Variants in CELSR2 observed in about 807,000 individuals in gnomAD.
The protein encoded by CELSR2 is EGF-like protein 2.
In CELSR2, 81 loss-of-function variants were observed where a neutral mutation model predicts 251.6. That is an observed-to-expected ratio of 0.32 (90% CI 0.27 to 0.39). CELSR2 has a LOEUF of 0.39. Ranked by LOEUF, CELSR2 falls within the 10% of genes least tolerant of loss-of-function variation. The pLI, the probability that CELSR2 is intolerant of heterozygous loss-of-function variation, is 1.00. For missense variants in CELSR2, 3,365 were observed against 3,947.7 expected, an observed-to-expected ratio of 0.85 and a Z score of 3.96; for synonymous variants, 1,721 against 1,670.5, an observed-to-expected ratio of 1.03 and a Z score of -0.74.
rs1655656400 is a variant in CELSR2, at chr1:109,250,561, G to T, written c.482G>T (p.Arg161Met). 6.2e-7 allele frequency: 1 copy of T among 1,613,930 alleles called. No individual in the cohort carries two copies. The highest frequency in any genetic ancestry group is 8.5e-7 in the Non-Finnish European group (1 of 1,180,026). Residue 161 changes from arginine (R) to methionine (M), a missense_variant, in exon 1 of 34, where the codon AGG becomes ATG. Coordinates refer to ENST00000271332, the MANE Select transcript of CELSR2 (RefSeq NM_001408.3). The surrounding 1 kb of genome is among the most constrained non-coding windows in gnomAD (Gnocchi z 4.4). ...AQAPGLRAGERSPEESLGGRR... is the reference protein window; with the variant it reads ...AQAPGLRAGEMSPEESLGGRR... Reference sequence around the variant, plus strand: ...GCCCCCGGGCTCAGGGCAGGGGAAAGGTCACCAGAAGAGTCCCTGGGTGGG... The same window carrying T: ...GCCCCCGGGCTCAGGGCAGGGGAAATGTCACCAGAAGAGTCCCTGGGTGGG...
At chr1:109,265,123 A>G (rs1656150524) in intron 12 of CELSR2, 68 bp from the exon 13 acceptor site, 3 of 1,586,016 alleles carry the variant, frequency 1.9e-6, no homozygotes, top group Admixed American at 1.7e-5. Flanking sequence ...GAAGGGCCAC[A>G]TAGGGCTCAC....
rs1655618418 is a variant in CELSR2 at position 109,249,721 on chromosome 1, T to C, written c.-359T>C. 6.8e-6 allele frequency among the ~76,000 whole-genome samples: 1 copy of C among 146,878 alleles called. No homozygotes were observed. The highest frequency in any genetic ancestry group is 6.7e-5 in the Admixed American group (1 of 14,882). On this transcript the variant is annotated 5_prime_UTR_variant, in exon 1 of 34. Transcript: ENST00000271332. ...ACGCGGGCGCAGGTGGGCGATCCCA[T>C]AGGGGCGGAGGGGGCACCCCGGCTC...
chr1:109,264,434 A>G lies in CELSR2; in HGVS notation c.5290-20A>G, dbSNP rs767558693. 6 of 1,605,598 alleles carry G rather than the reference A, an allele frequency of 3.7e-6. No individual in the cohort carries two copies. The African/African-American group carries it at 4.0e-5, about 11-fold the overall frequency. On this transcript the variant is annotated intron_variant, in intron 10 of 33. Transcript: ENST00000271332. ...GCAGCCCCGCTCCACTGAGGGCAAC[A>G]CTGCTCCTGTCCCTCCCAGGGTGTG... is the stretch of plus-strand genomic sequence containing the variant.
chr1:109,269,090 G>A lies in CELSR2; in HGVS notation c.6632-20G>A, dbSNP rs747030948. 3 of 1,598,468 alleles carry A rather than the reference G, an allele frequency of 1.9e-6. No homozygotes were observed. Among genetic ancestry groups the A allele is most frequent in the South Asian group, 1.1e-5 (1 of 89,976 alleles). ...CACAGAGAGCAGGGCCCAGCTAAGT[G>A]TGACAGTGTCCCCTCCCAGAGACGC... On this transcript the variant is annotated intron_variant, in intron 19 of 33. Coordinates refer to ENST00000271332, the MANE Select transcript of CELSR2 (RefSeq NM_001408.3). The surrounding 1 kb of genome is among the most constrained non-coding windows in gnomAD (Gnocchi z 6.4).
intron 17 of CELSR2, among the ~76,000 whole-genome samples, 194 bp from the exon 18 acceptor site, chr1:109,268,387 A>AG (rs1358133395): frequency 6.6e-6 from 1 of 152,144 alleles, no homozygotes; most frequent in African/African-American, 2.4e-5. Flanking sequence ...AATGAGGAGG[A>AG]GGGCTTAGGG....
At position 109,273,025 on chromosome 1, in the gene CELSR2, A is replaced by G. The variant is rs1312160559; in HGVS notation, c.8336A>G (p.Lys2779Arg). The G allele has an allele frequency of 6.2e-7, 1 of 1,609,530 alleles. No individual in the cohort carries two copies. The highest frequency in any genetic ancestry group is 2.2e-5 in the East Asian group (1 of 44,818). ...AERLPLHSTP[K>R]DGGPGPGKAP... The stretch of plus-strand genomic sequence containing the variant: ...AGACTGCCCCTGCACAGTACTCCCA[A>G]GGGTGGGCCAGCACTGGGGCTGTGG... Residue 2779 changes from lysine to arginine, a missense_variant and splice_region_variant, in exon 31 of 34, where the codon AAG (lysine) becomes AGG (arginine). By Grantham distance (26) the Lys-to-Arg change is conservative (BLOSUM62 2). Around this residue, in one of 5 missense-constraint regions of CELSR2, gnomAD observed 2,093 missense variants for 2,382.8 expected, o/e 0.88. Coordinates refer to ENST00000271332, the MANE Select transcript of CELSR2 (RefSeq NM_001408.3).
chr1:109,256,710 C>G (rs190486055), intron 1 of CELSR2, among the ~76,000 whole-genome samples: 4 of 152,106 alleles, frequency 2.6e-5, no homozygotes, highest in African/African-American at 9.7e-5. Flanking sequence ...GGCGCGATCT[C>G]GGCTCACTGC....
At chr1:109,256,932 A>G (rs1392500934) in intron 1 of CELSR2, among the ~76,000 whole-genome samples, 11 of 152,152 alleles carry the variant, frequency 7.2e-5, no homozygotes, top group African/African-American at 2.4e-5. Flanking sequence ...TTCTGGGACT[A>G]CAGGCGTGAG....
chr1:109,268,857 T>A, intron 18 of CELSR2, 23 bp from the exon 19 acceptor site: 1 of 1,593,512 alleles, frequency 6.3e-7, no homozygotes, highest in Middle Eastern at 1.7e-4. Context: ...ACAGGTCCGA[T>A]CTGTGACCAT....
Position 109,269,247 on chromosome 1 carries a change from G to T in CELSR2, c.6769G>T (p.Gly2257Trp). The change falls in exon 20 of 34, where the codon GGG (glycine) becomes TGG (tryptophan). Residue 2257 changes from glycine to tryptophan, a missense_variant. By Grantham distance (184) the Gly-to-Trp change is radical. Transcript: ENST00000271332. The surrounding 1 kb of genome is among the most constrained non-coding windows in gnomAD (Gnocchi z 6.4). ...ASVIIYRTLA[G>W]LLPHNYDPDK... ...CGTCATCATCTACCGCACCCTGGCC[G>T]GGCTACTGCCTCATAACTATGACCC... 6.2e-7 allele frequency: 1 copy of T among 1,613,082 alleles called. No homozygotes were observed. Among genetic ancestry groups the T allele is most frequent in the Non-Finnish European group, 8.5e-7 (1 of 1,179,938 alleles).
chr1:109,251,348 C>T lies in CELSR2; in HGVS notation c.1269C>T (p.Ala423=), dbSNP rs759949577. 3.0e-5 allele frequency: 48 copies of T among 1,614,030 alleles called. No homozygotes were observed. Among genetic ancestry groups the T allele is most frequent in the Non-Finnish European group, 3.9e-5 (46 of 1,180,038 alleles). Residue 423 remains alanine, a synonymous_variant, in exon 1 of 34, where the codon GCC becomes GCT. Coordinates refer to ENST00000271332, the MANE Select transcript of CELSR2 (RefSeq NM_001408.3). This position sits in a 1 kb window ranked among gnomAD's most constrained non-coding sequence, Gnocchi z 4.9. ...GGGCCCCAGTACTCCGAGTCACAGC[C>T]TCGGATCGAGACAAGGGGAGCAATG... is the stretch of plus-strand genomic sequence containing the variant. The part of the protein sequence containing the change: ...TPGAPVLRVT[A]SDRDKGSNAV...
intron 2 of CELSR2, among the ~76,000 whole-genome samples, chr1:109,259,685 G>C (rs1655965549): frequency 6.6e-6 from 1 of 152,184 alleles, no homozygotes; most frequent in African/African-American, 2.4e-5. Context: ...AGACACAGAA[G>C]AGCTGGGGGA....
chr1:109,270,792 G>A, intron 24 of CELSR2, 135 bp from the exon 25 acceptor site: 1 of 988,668 alleles, frequency 1.0e-6, no homozygotes, highest in Non-Finnish European at 1.5e-6. Flanking sequence ...ATCCTGGGGA[G>A]ATCGGTAGGG....
chr1:109,273,088 C>T, intron 31 of CELSR2, 61 bp downstream of exon 31: 1 of 1,593,112 alleles, frequency 6.3e-7, no homozygotes, highest in Non-Finnish European at 8.6e-7. Flanking sequence ...GCCTGGGGTT[C>T]TTGGGAAGCA....
intron 2 of CELSR2, among the ~76,000 whole-genome samples, chr1:109,259,609 T>A (rs1655963481): frequency 6.6e-6 from 1 of 152,070 alleles, no homozygotes; most frequent in Non-Finnish European, 1.5e-5. Flanking sequence ...ACCTGGTCTC[T>A]CCCCCACTGA....
chr1:109,262,203 ACAGAGGCACC>A (rs1557731880), intron 5 of CELSR2, 74 bp from the exon 6 acceptor site: 2 of 1,546,704 alleles, frequency 1.3e-6, no homozygotes, highest in East Asian at 4.5e-5. Flanking sequence ...GTGGGTGCAC[ACAGAGGCACC>A]CAGTGTGTGC....
At chr1:109,266,240 A>G (rs1267684937) in intron 15 of CELSR2, 34 bp downstream of exon 15, 4 of 1,610,568 alleles carry the variant, frequency 2.5e-6, no homozygotes, top group Non-Finnish European at 3.4e-6. Flanking sequence ...GATGTCGAGG[A>G]CATGGCCTCT....
Position 109,269,374 on chromosome 1 carries a change from C to T in CELSR2, c.6813-50C>T. 1 of 1,610,090 alleles carries T rather than the reference C, an allele frequency of 6.2e-7. No individual in the cohort carries two copies. Among genetic ancestry groups the T allele is most frequent in the South Asian group, 1.1e-5 (1 of 90,768 alleles). On this transcript the variant is annotated intron_variant, in intron 20 of 33. Coordinates refer to ENST00000271332, the MANE Select transcript of CELSR2 (RefSeq NM_001408.3). This position sits in a 1 kb window ranked among gnomAD's most constrained non-coding sequence, Gnocchi z 6.4. ...CATGGAGGGGGTCGGGGGCGTCTCCCCAGTCATGTGACTGCCGTGGTGACT... is the reference window on the plus strand; with the variant it reads ...CATGGAGGGGGTCGGGGGCGTCTCCTCAGTCATGTGACTGCCGTGGTGACT...
intron 25 of CELSR2, 40 bp from the exon 26 acceptor site, chr1:109,271,165 GTGGAAGCTGTTT>G (rs1656361213): frequency 3.2e-6 from 5 of 1,581,340 alleles, no homozygotes; most frequent in Admixed American, 1.7e-5. Flanking sequence ...TGTGGGCTGG[GTGGAAGCTGTTT>G]GTCCCCACTG....
Sources: gnomAD v4.1 joint callset for allele counts (sites outside exome capture counted in the v4.1 genomes callset) on GRCh38, gnomAD v4.1.1 for gene constraint, gnomAD v4.1.1 regional missense constraint, Gnocchi (gnomAD v3.1) non-coding constraint, MANE v1.5 for transcripts, NCBI Gene and HGNC (gene_info 2026-07-23, HGNC 2026-07-21) for gene names.